Variants in LEMD1 observed in about 807,000 individuals in gnomAD.
LEMD1 encodes LEM domain containing 1, also known as LEM domain-containing protein 1.
A neutral mutation model predicts 17.4 loss-of-function variants in LEMD1; 18 were observed. The ratio of observed to expected loss-of-function variants is 1.04; its 90% CI spans 0.72 to 1.54. LEMD1 has a LOEUF of 1.54. Ranked by LOEUF, LEMD1 falls within the 40% of genes most tolerant of loss-of-function variation. LEMD1 has a pLI of 0.00. For synonymous variants in LEMD1, 88 were observed against 77.8 expected (o/e 1.13, Z -0.69); for missense variants, 195 against 210.4 (o/e 0.93, Z 0.45).
intron 1 of LEMD1, among the ~76,000 whole-genome samples, chr1:205,434,054 G>C (rs1666166722): frequency 6.6e-6 from 1 of 152,060 alleles, no homozygotes; most frequent in Non-Finnish European, 1.5e-5. Context: ...TCACATACAT[G>C]ATATAATAAT....
At chr1:205,381,926 G>T (rs1315761678) in intron 5 of LEMD1, 70 bp from the exon 6 acceptor site, 5 of 1,502,502 alleles carry the variant, frequency 3.3e-6, no homozygotes, top group Non-Finnish European at 4.6e-6. Flanking sequence ...CTTAAAGTGT[G>T]TGGGTCTTGA....
intron 4 of LEMD1, among the ~76,000 whole-genome samples, chr1:205,392,287 T>C (rs1664380611): frequency 6.6e-6 from 1 of 152,062 alleles, no homozygotes; most frequent in Non-Finnish European, 1.5e-5. Flanking sequence ...ATATAAACTC[T>C]TTGCAGAGAA....
chr1:205,405,491 C>T (rs1277396149), intron 4 of LEMD1, among the ~76,000 whole-genome samples: 1 of 144,150 alleles, frequency 6.9e-6, no homozygotes, highest in African/African-American at 2.7e-5. Context: ...CAGTTGATCG[C>T]ATCGGCTCCT....
intron 1 of LEMD1, among the ~76,000 whole-genome samples, chr1:205,428,676 T>G (rs1262139644): frequency 6.6e-6 from 1 of 152,034 alleles, no homozygotes; most frequent in Non-Finnish European, 1.5e-5. Context: ...GTTCGTGGAA[T>G]GGCAAGAAAA....
At chr1:205,427,595 A>AGAC (rs1666074858) in intron 1 of LEMD1, among the ~76,000 whole-genome samples, 2 of 152,170 alleles carry the variant, frequency 1.3e-5, no homozygotes, top group Admixed American at 6.5e-5. Flanking sequence ...ATGAAATAGG[A>AGAC]GACCACACAA....
intron 4 of LEMD1, among the ~76,000 whole-genome samples, chr1:205,411,168 GAGAA>G (rs1420818334): frequency 4.4e-5 from 6 of 135,710 alleles, no homozygotes; most frequent in Non-Finnish European, 1.5e-5. Context: ...GAAAGAGAGA[GAGAA>G]AGAAGGAAAG....
intron 1 of LEMD1, among the ~76,000 whole-genome samples, chr1:205,431,374 A>G (rs1666123584): frequency 1.3e-5 from 2 of 152,314 alleles, no homozygotes; most frequent in South Asian, 4.1e-4. Flanking sequence ...CATATTGAAC[A>G]CCTGCTTTGT....
chr1:205,404,388 G>A (rs1402730384), intron 4 of LEMD1, among the ~76,000 whole-genome samples: 2 of 152,242 alleles, frequency 1.3e-5, no homozygotes, highest in Admixed American at 6.5e-5. Flanking sequence ...GGGTGCTCCT[G>A]TATTGGGTGC....
At chr1:205,393,467 G>A (rs1664436971) in intron 4 of LEMD1, among the ~76,000 whole-genome samples, 1 of 151,680 alleles carries the variant, frequency 6.6e-6, no homozygotes, top group Non-Finnish European at 1.5e-5. Flanking sequence ...CTTCAGGTTA[G>A]GAGTTCGAGA....
At chr1:205,429,974 T>C (rs1027371807) in intron 1 of LEMD1, among the ~76,000 whole-genome samples, 1 of 152,070 alleles carries the variant, frequency 6.6e-6, no homozygotes, top group African/African-American at 2.4e-5. Context: ...GCTTCCCCAT[T>C]AACAGAGGTG....
At chr1:205,395,062 A>G (rs1449477925) in intron 4 of LEMD1, among the ~76,000 whole-genome samples, 1 of 152,096 alleles carries the variant, frequency 6.6e-6, no homozygotes, top group Non-Finnish European at 1.5e-5. Flanking sequence ...TTGTCATTGT[A>G]CTGTGATTAT....
intron 1 of LEMD1, chr1:205,435,028 C>CTT (rs1007822981): frequency 2.0e-5 from 3 of 152,192 alleles, no homozygotes; most frequent in African/African-American, 7.2e-5. Flanking sequence ...CAATTAGAGG[C>CTT]TTAGTAAATG....
At chr1:205,393,011 A>C (rs1033648094) in intron 4 of LEMD1, among the ~76,000 whole-genome samples, 23 of 152,332 alleles carry the variant, frequency 1.5e-4, no homozygotes, top group Admixed American at 5.2e-4. Context: ...CAGGAGGCTG[A>C]GGCAGGTGGA....
chr1:205,434,170 C>CTAAG (rs1339334117), intron 1 of LEMD1, among the ~76,000 whole-genome samples: 2 of 131,778 alleles, frequency 1.5e-5, no homozygotes, highest in Non-Finnish European at 3.3e-5. Context: ...AGAAGCCCAA[C>CTAAG]TAAGGATTCT....
intron 4 of LEMD1, among the ~76,000 whole-genome samples, chr1:205,409,663 T>A (rs147759368): frequency 6.6e-6 from 1 of 151,784 alleles, no homozygotes; most frequent in Non-Finnish European, 1.5e-5. Flanking sequence ...TACAGTGGCA[T>A]GAACTTGGCT....
At chr1:205,435,804 G>A (rs1666195402) in intron 1 of LEMD1, 3 of 152,162 alleles carry the variant, frequency 2.0e-5, no homozygotes, top group Admixed American at 2.0e-4. Context: ...CATAAACCTG[G>A]GTGCCTGAGC....
At chr1:205,401,006 T>A (rs1365537395) in intron 4 of LEMD1, among the ~76,000 whole-genome samples, 2 of 151,856 alleles carry the variant, frequency 1.3e-5, no homozygotes, top group African/African-American at 4.8e-5. Flanking sequence ...TTCACCCATG[T>A]CCCTACAAAG....
At chr1:205,428,603 G>C (rs1232145683) in intron 1 of LEMD1, among the ~76,000 whole-genome samples, 1 of 152,186 alleles carries the variant, frequency 6.6e-6, no homozygotes, top group African/African-American at 2.4e-5. Context: ...TGATGTGACA[G>C]GGAAAGGCTT....
intron 4 of LEMD1, among the ~76,000 whole-genome samples, chr1:205,388,779 G>A (rs926991442): frequency 6.6e-6 from 1 of 151,994 alleles, no homozygotes; most frequent in African/African-American, 2.4e-5. Flanking sequence ...AACATTTTTA[G>A]TCAATAGTTC....
Sources: gnomAD v4.1 joint callset for allele counts (sites outside exome capture counted in the v4.1 genomes callset) on GRCh38, gnomAD v4.1.1 for gene constraint, MANE v1.5 for transcripts, NCBI Gene and HGNC (gene_info 2026-07-23, HGNC 2026-07-21) for gene names.